NR3C2: variants seen among roughly 807,000 people sequenced by gnomAD.
NR3C2 encodes the protein mineralocorticoid receptor.
In NR3C2, 15 loss-of-function variants were observed where a neutral mutation model predicts 86.4. That is an observed-to-expected ratio of 0.17 (90% CI 0.12 to 0.27). The LOEUF is 0.27. NR3C2 is among the 10% of genes least tolerant of loss of function. The pLI is 1.00. For synonymous variants in NR3C2, 458 were observed against 450.5 expected (o/e 1.02, Z -0.21); for missense variants, 960 against 1,195.6 (o/e 0.80, Z 2.91).
At chr4:148,227,886 C>T (rs2149834722) in intron 3 of NR3C2, among the ~76,000 whole-genome samples, 1 of 152,278 alleles carries the variant, frequency 6.6e-6, no homozygotes, top group South Asian at 2.1e-4. Flanking sequence ...GCTCCAAGAT[C>T]ATTTGTATTT....
chr4:148,144,203 CTTTTT>C (rs201466117), intron 6 of NR3C2, among the ~76,000 whole-genome samples: 4 of 151,854 alleles, frequency 2.6e-5, no homozygotes, highest in Non-Finnish European at 5.9e-5. Flanking sequence ...CTGGAAATGA[CTTTTT>C]TTTTCTTTCT....
At chr4:148,401,780 A>T (rs2126534451) in intron 2 of NR3C2, among the ~76,000 whole-genome samples, 1 of 152,146 alleles carries the variant, frequency 6.6e-6, no homozygotes, top group Non-Finnish European at 1.5e-5. Context: ...TATTTCTTGA[A>T]ATAGACACCA....
At chr4:148,408,632 C>T (rs774559590) in intron 2 of NR3C2, among the ~76,000 whole-genome samples, 5 of 152,068 alleles carry the variant, frequency 3.3e-5, no homozygotes, top group Non-Finnish European at 7.4e-5. Context: ...TCTTGATGAT[C>T]AACAGGTATC....
At chr4:148,363,502 A>ATTTTT (rs1414328296) in intron 2 of NR3C2, among the ~76,000 whole-genome samples, 2 of 16,226 alleles carry the variant, frequency 1.2e-4, no homozygotes, top group Non-Finnish European at 2.6e-4. Flanking sequence ...CTTCTCATAG[A>ATTTTT]TCTCTTTTTT....
At chr4:148,274,766 C>T (rs963947811) in intron 2 of NR3C2, among the ~76,000 whole-genome samples, 30 of 140,792 alleles carry the variant, frequency 2.1e-4, no homozygotes, top group African/African-American at 5.3e-4. Flanking sequence ...GGCGTGATTT[C>T]GGCTCACTGC....
At chr4:148,206,047 G>C (rs1736989008) in intron 3 of NR3C2, among the ~76,000 whole-genome samples, 1 of 152,150 alleles carries the variant, frequency 6.6e-6, no homozygotes, top group Non-Finnish European at 1.5e-5. Flanking sequence ...AGCCAGTCCA[G>C]GTCTAATTTG....
At chr4:148,214,584 T>C (rs187545306) in intron 3 of NR3C2, among the ~76,000 whole-genome samples, 296 of 152,302 alleles carry the variant, frequency 1.9e-3, no homozygotes, top group African/African-American at 6.7e-3. Flanking sequence ...AGACTGCTCC[T>C]GAGAAGCTAC....
intron 2 of NR3C2, among the ~76,000 whole-genome samples, chr4:148,302,846 CAAAAAAAA>C (rs35574035): frequency 6.8e-5 from 6 of 88,542 alleles, no homozygotes; most frequent in Non-Finnish European, 1.1e-4. Flanking sequence ...AACTCCGTCT[CAAAAAAAA>C]AAAAAAAAAA....
intron 3 of NR3C2, among the ~76,000 whole-genome samples, chr4:148,237,238 A>G (rs11099683): frequency 0.76 from 115,656 of 151,974 alleles, 44,531 homozygotes; most frequent in East Asian, 0.89. Context: ...TTAACTTTTT[A>G]AGAGACAGTG....
chr4:148,440,337 A>G (rs548365703), intron 1 of NR3C2, among the ~76,000 whole-genome samples: 17 of 152,368 alleles, frequency 1.1e-4, no homozygotes, highest in African/African-American at 3.4e-4. Flanking sequence ...TCTTTTTGCA[A>G]CTGGCACAAT....
At chr4:148,087,976 C>T (rs374449338) in intron 8 of NR3C2, among the ~76,000 whole-genome samples, 1 of 152,124 alleles carries the variant, frequency 6.6e-6, no homozygotes, top group African/African-American at 2.4e-5. Context: ...CCATCTGACA[C>T]AGGGCTAATA....
chr4:148,413,760 A>G (rs1748841002), intron 2 of NR3C2, among the ~76,000 whole-genome samples: 1 of 152,192 alleles, frequency 6.6e-6, no homozygotes, highest in Non-Finnish European at 1.5e-5. Flanking sequence ...ATTCACATTT[A>G]AATTACAAAT....
intron 2 of NR3C2, among the ~76,000 whole-genome samples, chr4:148,260,460 G>C (rs1266813001): frequency 1.3e-5 from 2 of 152,136 alleles, no homozygotes; most frequent in African/African-American, 4.8e-5. Context: ...CAAGTCATCA[G>C]GGATGTATTT....
chr4:148,148,762 C>A (rs1455957297), intron 6 of NR3C2, among the ~76,000 whole-genome samples: 1 of 152,182 alleles, frequency 6.6e-6, no homozygotes, highest in East Asian at 1.9e-4. Flanking sequence ...CTTTTCCTTT[C>A]AATACTTATC....
intron 2 of NR3C2, among the ~76,000 whole-genome samples, chr4:148,313,630 G>T (rs1351259158): frequency 6.6e-6 from 1 of 152,106 alleles, no homozygotes; most frequent in East Asian, 1.9e-4. Flanking sequence ...TGGGAAAATG[G>T]GTCCCAGCTT....
At chr4:148,230,272 C>G (rs1299193543) in intron 3 of NR3C2, among the ~76,000 whole-genome samples, 1 of 152,192 alleles carries the variant, frequency 6.6e-6, no homozygotes, top group Non-Finnish European at 1.5e-5. Context: ...TGGCTCACTG[C>G]AACCTCCGCC....
intron 6 of NR3C2, among the ~76,000 whole-genome samples, chr4:148,122,482 T>G (rs1732552111): frequency 6.6e-6 from 1 of 152,226 alleles, no homozygotes; most frequent in Non-Finnish European, 1.5e-5. Context: ...AGAGTCTCTG[T>G]ATTTTAATAA....
In NR3C2 at chr4:148,119,471, A is replaced by C. The variant is rs1479663818; in HGVS notation, c.2641+687T>G. Among the ~76,000 whole-genome samples, 3 of 152,140 alleles carry C rather than the reference A, an allele frequency of 2.0e-5. No homozygotes were observed. In the East Asian group the frequency reaches 5.8e-4, roughly 29 times the overall value. ...CACCATTACATTCCTTACCTCCATC[A>C]TAGTAAATAATTACTTTCCATATGT... On this transcript the variant is annotated intron_variant, in intron 7 of 8. Coordinates refer to ENST00000358102, the MANE Select transcript of NR3C2 (RefSeq NM_000901.5).
chr4:148,402,352 A>G (rs1449876877), intron 2 of NR3C2, among the ~76,000 whole-genome samples: 1 of 152,248 alleles, frequency 6.6e-6, no homozygotes, highest in African/African-American at 2.4e-5. Flanking sequence ...ATAATTAATA[A>G]GGAAAACATC....
Sources: gnomAD v4.1 joint callset for allele counts (sites outside exome capture counted in the v4.1 genomes callset) on GRCh38, gnomAD v4.1.1 for gene constraint, MANE v1.5 for transcripts, NCBI Gene and HGNC (gene_info 2026-07-23, HGNC 2026-07-21) for gene names.